Variants in LRRC37A observed in about 807,000 individuals in gnomAD.
The protein encoded by LRRC37A is leucine-rich repeat-containing protein 37A.
A neutral mutation model predicts 35.4 loss-of-function variants in LRRC37A; 3 were observed. That is an observed-to-expected ratio of 0.08 (90% CI 0.04 to 0.22). LRRC37A has a LOEUF of 0.22. Ranked by LOEUF, LRRC37A falls within the 10% of genes least tolerant of loss-of-function variation. The pLI is 1.00. For synonymous variants in LRRC37A, 23 were observed against 215.0 expected, an observed-to-expected ratio of 0.11 and a Z score of 7.81; for missense variants, 67 against 565.3, an observed-to-expected ratio of 0.12 and a Z score of 8.94.
the LRRC37A span, among the ~76,000 whole-genome samples, chr17:46,255,141 C>A: frequency 6.6e-6 from 1 of 151,902 alleles, no homozygotes; most frequent in African/African-American, 2.4e-5. Flanking sequence ...CAGCCCTGCC[C>A]AGCTAATTTT....
At chr17:46,287,948 C>A (rs1446570382), upstream of LRRC37A, among the ~76,000 whole-genome samples, 1 of 152,332 alleles carries the variant, frequency 6.6e-6, no homozygotes, top group Non-Finnish European at 1.5e-5. Context: ...AGTGTAGGAA[C>A]ATCATGTCAA....
the LRRC37A span, among the ~76,000 whole-genome samples, chr17:46,268,119 T>C: frequency 6.6e-6 from 1 of 152,172 alleles, no homozygotes; most frequent in Non-Finnish European, 1.5e-5. Flanking sequence ...TACAATGTGA[T>C]AAGGACCTTT....
At chr17:46,266,237 T>A in the LRRC37A span, among the ~76,000 whole-genome samples, 1 of 152,202 alleles carries the variant, frequency 6.6e-6, no homozygotes, top group African/African-American at 2.4e-5. Flanking sequence ...CGGCCATCAC[T>A]CTTTCTCCCC....
At chr17:46,259,260 A>C in the LRRC37A span, among the ~76,000 whole-genome samples, 1 of 139,374 alleles carries the variant, frequency 7.2e-6, no homozygotes, top group Non-Finnish European at 1.5e-5. Flanking sequence ...CAGAGGGGGG[A>C]AGGTATGATC....
upstream of LRRC37A, chr17:46,294,131 C>T (rs1465907345): frequency 3.5e-5 from 4 of 113,376 alleles, 2 homozygotes; most frequent in Admixed American, 5.9e-4. Context: ...GTGATCCCCC[C>T]ACCTCGGCCT....
At chr17:46,277,102 G>A in the LRRC37A span, among the ~76,000 whole-genome samples, 1 of 152,208 alleles carries the variant, frequency 6.6e-6, no homozygotes, top group Non-Finnish European at 1.5e-5. Context: ...ACTGCACACA[G>A]CCTAATTTGT....
the LRRC37A span, chr17:46,268,804 T>C: frequency 1.3e-6 from 1 of 781,050 alleles, no homozygotes; most frequent in East Asian, 3.8e-5. Flanking sequence ...AGCTACTCTA[T>C]GAATGACCTG....
chr17:46,263,605 AGCACTTTGAGAGGCTGAGCCGG>A, the LRRC37A span, among the ~76,000 whole-genome samples: 1 of 149,506 alleles, frequency 6.7e-6, no homozygotes, highest in Non-Finnish European at 1.5e-5. Context: ...CTGTAATCCC[AGCACTTTGAGAGGCTGAGCCGG>A]GCAGATCACC....
rs560912263 is a variant in LRRC37A at position 46,323,685 on chromosome 17, C to T, written c.3053+658C>T. ...GTGCTAGGATTACAGATAAGATCCA[C>T]CTTGCCTGGCCTCACTCAGTAGAAT... On this transcript the variant is annotated intron_variant, in intron 7 of 13. Transcript: ENST00000320254. Among the ~76,000 whole-genome samples the T allele has an allele frequency of 6.3e-4, 66 of 104,070 alleles. 14 individuals carry two copies. Among genetic ancestry groups the T allele is most frequent in the African/African-American group, 1.6e-3 (53 of 32,472 alleles). The allele number at this position is 104,070 out of a possible 152,430, so 68.3% of individuals were successfully genotyped here. A position where few individuals can be genotyped will look rare whatever the true frequency, so the allele number is the denominator to read the frequency against.
the LRRC37A span, among the ~76,000 whole-genome samples, chr17:46,259,024 T>TA: frequency 1.8e-5 from 1 of 54,746 alleles, no homozygotes; most frequent in South Asian, 4.4e-4. Flanking sequence ...GGCCTATTTT[T>TA]TTTTTTTTTT....
chr17:46,331,086 A>G, exon 9 of LRRC37A: 1 of 717,626 alleles, frequency 1.4e-6, no homozygotes, highest in East Asian at 2.6e-5. Context: ...CAGGTGAGAG[A>G]CAGATCGAAA....
At chr17:46,268,283 T>C in the LRRC37A span, among the ~76,000 whole-genome samples, 14 of 152,164 alleles carry the variant, frequency 9.2e-5, no homozygotes, top group South Asian at 2.1e-4. Context: ...CCTCCCAAAG[T>C]GCTAGGATTA....
the LRRC37A span, among the ~76,000 whole-genome samples, chr17:46,280,425 G>C: frequency 6.6e-6 from 1 of 152,216 alleles, no homozygotes. Context: ...TGTAATCCCA[G>C]CACTCTGGGA....
chr17:46,323,576 T>C (rs2051520591), intron 7 of LRRC37A, among the ~76,000 whole-genome samples: 1 of 93,250 alleles, frequency 1.1e-5, no homozygotes, highest in South Asian at 5.7e-4. Context: ...TTTGTATTTT[T>C]AGTAGAGACA....
In LRRC37A at chr17:46,336,201, T is replaced by C. The variant is rs571694682; in HGVS notation, c.4859+607T>C. Among the ~76,000 whole-genome samples, 13 of 31,948 alleles carry C rather than the reference T, an allele frequency of 4.1e-4. 3 individuals are homozygous for C. The highest frequency in any genetic ancestry group is 5.8e-4 in the African/African-American group (12 of 20,742). 21.0% of individuals were successfully genotyped at this position (31,948 alleles called of 152,430 possible). On this transcript the variant is annotated intron_variant, in intron 11 of 13. Coordinates refer to ENST00000320254, the Ensembl canonical transcript of LRRC37A. ...ATTTTCTCTTTTATTTCTTTTTTTT[T>C]CCCCTGGATCCTAGAACTGAGGAAA...
chr17:46,268,600 A>G, the LRRC37A span: 1 of 1,547,222 alleles, frequency 6.5e-7, no homozygotes. Context: ...TGTCCAGGGG[A>G]TGGACTGCTG....
At chr17:46,279,015 C>T in the LRRC37A span, among the ~76,000 whole-genome samples, 2 of 152,056 alleles carry the variant, frequency 1.3e-5, no homozygotes, top group African/African-American at 4.8e-5. Context: ...TCAGGCTGGT[C>T]TCGAACTCCT....
the LRRC37A span, among the ~76,000 whole-genome samples, chr17:46,283,125 T>A: frequency 1.3e-5 from 2 of 152,098 alleles, no homozygotes; most frequent in South Asian, 4.2e-4. Flanking sequence ...CTCAAAAAAA[T>A]AAAATAAAAT....
the LRRC37A span, among the ~76,000 whole-genome samples, chr17:46,252,552 G>A: frequency 6.7e-6 from 1 of 148,980 alleles, no homozygotes; most frequent in East Asian, 1.9e-4. Flanking sequence ...CTGGGTACTT[G>A]AGATTAGGGA....
Sources: allele counts gnomAD v4.1 joint callset (sites outside exome capture counted in the v4.1 genomes callset), GRCh38; gene constraint gnomAD v4.1.1; transcripts MANE v1.5; gene names NCBI Gene and HGNC (gene_info 2026-07-23, HGNC 2026-07-21).